Variants in LRCH2 observed in about 807,000 individuals in gnomAD.
LRCH2 encodes leucine-rich repeat and calponin homology domain-containing protein 2.
LRCH2 carries 38 observed loss-of-function variants against 68.9 expected under a neutral mutation model. The ratio of observed to expected loss-of-function variants is 0.55; its 90% CI spans 0.43 to 0.72. The LOEUF is 0.72. Ranked by LOEUF, LRCH2 falls within the 30% of genes least tolerant of loss-of-function variation. The pLI is 0.00. For missense variants in LRCH2, 528 were observed against 572.9 expected (o/e 0.92, Z 0.80); for synonymous variants, 191 against 208.1 (o/e 0.92, Z 0.71).
intron 14 of LRCH2, among the ~76,000 whole-genome samples, chrX:115,149,592 T>C (rs991045238): frequency 8.9e-6 from 1 of 111,895 alleles, no homozygotes; most frequent in African/African-American, 3.2e-5. Flanking sequence ...AACATTCGTC[T>C]ATCTTGCAAA....
rs141791118 is a variant in LRCH2, at chrX:115,184,055, G to T, written c.621+356C>A. Among the ~76,000 whole-genome samples, 8 of 112,083 alleles carry T rather than the reference G, an allele frequency of 7.1e-5. No homozygotes were observed. The East Asian group carries it at 2.0e-3, about 28-fold the overall frequency. ...TCTTCTTTTATCTCCTTTGTTTAAG[G>T]ATATATCATAGTCCTATAAAAGTTT... is the stretch of plus-strand genomic sequence containing the variant. On this transcript the variant is annotated intron_variant, in intron 3 of 20. Transcript: ENST00000317135.
At chrX:115,156,803 G>T (rs1020111809) in intron 11 of LRCH2, 136 bp from the exon 12 acceptor site, 1 of 362,521 alleles carries the variant, frequency 2.8e-6, no homozygotes, top group Admixed American at 5.7e-5. Flanking sequence ...ATATTATTTA[G>T]ATCAGATGCC....
intron 1 of LRCH2, among the ~76,000 whole-genome samples, chrX:115,231,613 T>C (rs964682647): frequency 8.9e-6 from 1 of 112,229 alleles, no homozygotes; most frequent in Non-Finnish European, 1.9e-5. Flanking sequence ...ATGAAACTTA[T>C]GATGAATGAA....
intron 2 of LRCH2, among the ~76,000 whole-genome samples, chrX:115,187,478 T>TGA (rs1275723289): frequency 8.9e-5 from 10 of 112,357 alleles, no homozygotes; most frequent in Non-Finnish European, 1.7e-4. Flanking sequence ...TATGTATGAA[T>TGA]GAGAGCTCTA....
chrX:115,117,862 T>A (rs1237220690), intron 20 of LRCH2, among the ~76,000 whole-genome samples: 1 of 110,814 alleles, frequency 9.0e-6, no homozygotes, highest in Non-Finnish European at 1.9e-5. Context: ...GTGGTGATGA[T>A]TTCATGGTGT....
At chrX:115,113,363 A>T in intron 20 of LRCH2, 28 bp from the exon 21 acceptor site, 2 of 1,114,873 alleles carry the variant, frequency 1.8e-6, no homozygotes, top group Non-Finnish European at 1.2e-6. Context: ...ATATTTGAAC[A>T]TTCATTTTTT....
In LRCH2 at chrX:115,197,847, T is replaced by TCTCTCTCTCTCTCACACACACA. The variant is rs782358260; in HGVS notation, c.350-9478_350-9477insTGTGTGTGTGAGAGAGAGAGAG. 2.5e-3 allele frequency among the ~76,000 whole-genome samples: 51 copies of TCTCTCTCTCTCTCACACACACA among 20,561 alleles called. 1 individual carries two copies. The highest frequency in any genetic ancestry group is 6.3e-3 in the East Asian group (4 of 640). 17.9% of individuals were successfully genotyped at this position (20,561 alleles called of 115,157 possible). On this transcript the variant is annotated intron_variant, in intron 1 of 20. Coordinates refer to ENST00000317135, the MANE Select transcript of LRCH2 (RefSeq NM_020871.4). ...CTCTCTCTCTCTCTCTCTCTCTCTC[T>TCTCTCTCTCTCTCACACACACA]CACACACACACACACACACACACAC...
At chrX:115,172,930 T>A (rs1375574204) in intron 5 of LRCH2, among the ~76,000 whole-genome samples, 1 of 109,757 alleles carries the variant, frequency 9.1e-6, no homozygotes, top group Non-Finnish European at 1.9e-5. Context: ...TACATGGGAG[T>A]AAAAATTTCT....
At chrX:115,207,003 T>C (rs1244751246) in intron 1 of LRCH2, among the ~76,000 whole-genome samples, 1 of 111,587 alleles carries the variant, frequency 9.0e-6, no homozygotes, top group East Asian at 2.8e-4. Flanking sequence ...AAAGTGAAGA[T>C]TAACTTTTAT....
intron 20 of LRCH2, among the ~76,000 whole-genome samples, chrX:115,121,194 TA>T (rs1556525907): frequency 9.2e-6 from 1 of 108,860 alleles, no homozygotes; most frequent in Admixed American, 9.9e-5. Context: ...AATAAATAAA[TA>T]AATAAAGGGG....
intron 1 of LRCH2, among the ~76,000 whole-genome samples, chrX:115,227,451 C>A (rs1386790882): frequency 9.1e-6 from 1 of 110,117 alleles, no homozygotes; most frequent in Non-Finnish European, 1.9e-5. Flanking sequence ...TCACTGAAAG[C>A]AGCAACTTTA....
At chrX:115,123,050 A>G in intron 18 of LRCH2, 30 bp downstream of exon 18, 2 of 1,175,096 alleles carry the variant, frequency 1.7e-6, no homozygotes, top group Non-Finnish European at 2.3e-6. Context: ...CATTTCCACA[A>G]AGCAGATCTG....
At chrX:115,190,883 C>A (rs782813071) in intron 1 of LRCH2, 1 of 1,163,711 alleles carries the variant, frequency 8.6e-7, no homozygotes. Flanking sequence ...TCGCTGGATG[C>A]CAACAGTGGA....
At chrX:115,189,381 G>C in intron 1 of LRCH2, 1 of 1,113,058 alleles carries the variant, frequency 9.0e-7, no homozygotes, top group South Asian at 2.2e-5. Context: ...CTCGAAGGCC[G>C]CGACTGAACT....
At chrX:115,169,473 G>T (rs966784096) in intron 6 of LRCH2, among the ~76,000 whole-genome samples, 1 of 111,325 alleles carries the variant, frequency 9.0e-6, no homozygotes, top group South Asian at 3.7e-4. Context: ...TTTAAAAACT[G>T]AATCTAATGT....
At chrX:115,149,725 A>G in intron 14 of LRCH2, 102 bp downstream of exon 14, 2 of 468,250 alleles carry the variant, frequency 4.3e-6, no homozygotes, top group Non-Finnish European at 7.1e-6. Flanking sequence ...CATTTACTAC[A>G]TTTAACTAGA....
chrX:115,149,080 A>T (rs1485885878), intron 14 of LRCH2, among the ~76,000 whole-genome samples: 1 of 111,591 alleles, frequency 9.0e-6, no homozygotes, highest in African/African-American at 3.2e-5. Context: ...AGGCTTTGGG[A>T]AACATAAAAC....
At chrX:115,174,591 A>ACC (rs59540810) in intron 5 of LRCH2, among the ~76,000 whole-genome samples, 3 of 88,827 alleles carry the variant, frequency 3.4e-5, no homozygotes, top group African/African-American at 1.3e-4. Context: ...ACACAAACAC[A>ACC]CCCCCCCCCC....
At chrX:115,128,098 C>T (rs1327118471) in intron 15 of LRCH2, among the ~76,000 whole-genome samples, 1 of 111,890 alleles carries the variant, frequency 8.9e-6, no homozygotes. Flanking sequence ...GGACGAGGGC[C>T]TCTGCCGGAG....
Sources: allele counts gnomAD v4.1 joint callset (sites outside exome capture counted in the v4.1 genomes callset), GRCh38; gene constraint gnomAD v4.1.1; transcripts MANE v1.5; gene names NCBI Gene and HGNC (gene_info 2026-07-23, HGNC 2026-07-21).